Variants in KMT2C observed in about 807,000 individuals in gnomAD.
KMT2C encodes histone-lysine N-methyltransferase 2C.
KMT2C carries 88 observed loss-of-function variants against 507.9 expected under a neutral mutation model. The observed-to-expected ratio is 0.17, with a 90% CI of 0.15 to 0.21. The LOEUF is 0.21. Among genes scored for constraint, KMT2C ranks in the 10% least tolerant of loss-of-function variants. The pLI, the probability that KMT2C is intolerant of heterozygous loss-of-function variation, is 1.00. For missense variants in KMT2C, 4,954 were observed against 5,957.8 expected (o/e 0.83, Z 5.55); for synonymous variants, 2,049 against 2,080.8 (o/e 0.98, Z 0.42).
At position 152,314,822 on chromosome 7, in the gene KMT2C, T is replaced by C. The variant is rs10237153; in HGVS notation, c.590+316A>G. ...TTTATTATTACATTATTTCCATTTA[T>C]AAATTCCATGAACTCCCTCCCTCTC... is the stretch of plus-strand genomic sequence containing the variant. On this transcript the variant is annotated intron_variant, in intron 4 of 58. Transcript: ENST00000262189. Among the ~76,000 whole-genome samples the C allele has an allele frequency of 9.5e-3, 1,446 of 152,314 alleles. 28 individuals carry two copies. Among genetic ancestry groups the C allele is most frequent in the African/African-American group, 0.033 (1,391 of 41,556 alleles).
chr7:152,433,829 G>C (rs955507937), intron 1 of KMT2C, among the ~76,000 whole-genome samples: 7 of 152,286 alleles, frequency 4.6e-5, no homozygotes, highest in Non-Finnish European at 8.8e-5. Flanking sequence ...TTCAAAAGTA[G>C]GGTGTGTGCG....
At chr7:152,175,467 T>G (rs2093160781) in intron 38 of KMT2C, among the ~76,000 whole-genome samples, 1 of 144,286 alleles carries the variant, frequency 6.9e-6, no homozygotes, top group Non-Finnish European at 1.5e-5. Flanking sequence ...ATCCGTCCCC[T>G]AGCCCCCCAC....
At chr7:152,346,188 C>G (rs1194380008) in intron 2 of KMT2C, among the ~76,000 whole-genome samples, 1 of 152,174 alleles carries the variant, frequency 6.6e-6, no homozygotes, top group African/African-American at 2.4e-5. Context: ...ATCTGGCGTG[C>G]AGAAAATCAA....
chr7:152,178,043 G>GCAAATAGGTATTATGT (rs1491431270), intron 37 of KMT2C, 33 bp from the exon 38 acceptor site: 2 of 633,386 alleles, frequency 3.2e-6, no homozygotes, highest in African/African-American at 7.2e-5. Flanking sequence ...AAAAAAAAAA[G>GCAAATAGGTATTATGT]CAAATAGGTA....
chr7:152,372,192 G>A (rs1249331271), intron 1 of KMT2C, among the ~76,000 whole-genome samples: 4 of 152,164 alleles, frequency 2.6e-5, no homozygotes, highest in Non-Finnish European at 4.4e-5. Flanking sequence ...GTCTCACTCT[G>A]TCGCCCAGAC....
At chr7:152,258,002 G>A (rs2095690288) in intron 9 of KMT2C, among the ~76,000 whole-genome samples, 1 of 152,178 alleles carries the variant, frequency 6.6e-6, no homozygotes, top group South Asian at 2.1e-4. Flanking sequence ...TTCTGTAAGT[G>A]TATACACACG....
intron 41 of KMT2C, among the ~76,000 whole-genome samples, chr7:152,168,823 C>G (rs1436346342): frequency 2.6e-5 from 4 of 152,080 alleles, no homozygotes; most frequent in Non-Finnish European, 4.4e-5. Context: ...CTTTGTTTTT[C>G]CCATTTAGTG....
intron 3 of KMT2C, among the ~76,000 whole-genome samples, chr7:152,318,330 G>A (rs1176227608): frequency 1.3e-5 from 2 of 150,040 alleles, no homozygotes; most frequent in East Asian, 4.1e-4. Flanking sequence ...GCAGCTGGGT[G>A]TGGTGGCACA....
At chr7:152,194,709 C>T (rs1269641668) in intron 28 of KMT2C, 141 bp from the exon 29 acceptor site, 2 of 549,880 alleles carry the variant, frequency 3.6e-6, no homozygotes. Context: ...TCAGAATTCT[C>T]ATATCAATTT....
intron 7 of KMT2C, 134 bp downstream of exon 7, chr7:152,273,571 A>T (rs2096016933): frequency 2.1e-6 from 2 of 931,468 alleles, no homozygotes; most frequent in Non-Finnish European, 2.9e-6. Context: ...CCTGGCAACG[A>T]TCCCTCAGAT....
Position 152,435,826 on chromosome 7 carries a change from C to G in KMT2C, c.-40G>C. On this transcript the variant is annotated 5_prime_UTR_variant, in exon 1 of 59. Transcript: ENST00000262189. The stretch of plus-strand genomic sequence containing the variant: ...AAGACACATGGATCCCGGTCCTCCT[C>G]CTGGGGGGCTCCCGCCGCCGCGGCC... The G allele has an allele frequency of 7.9e-7, 1 of 1,266,322 alleles. No individual in the cohort carries two copies. The highest frequency in any genetic ancestry group is 1.0e-6 in the Non-Finnish European group (1 of 994,724). 78.4% of individuals were successfully genotyped at this position (1,266,322 alleles called of 1,614,324 possible). A position where few individuals can be genotyped will look rare whatever the true frequency, so the allele number is the denominator to read the frequency against.
At chr7:152,251,015 T>C (rs762189124) in intron 11 of KMT2C, 49 bp from the exon 12 acceptor site, 15 of 1,042,370 alleles carry the variant, frequency 1.4e-5, no homozygotes, top group Non-Finnish European at 2.2e-5. Context: ...TTTTTTTCTT[T>C]GTTCATTAAG....
At chr7:152,396,373 G>A (rs1380305746) in intron 1 of KMT2C, among the ~76,000 whole-genome samples, 2 of 152,182 alleles carry the variant, frequency 1.3e-5, no homozygotes, top group African/African-American at 4.8e-5. Context: ...GATAATAACA[G>A]TAATTACTTT....
At chr7:152,304,887 G>C (rs1056494969) in intron 6 of KMT2C, among the ~76,000 whole-genome samples, 1 of 152,130 alleles carries the variant, frequency 6.6e-6, no homozygotes, top group Non-Finnish European at 1.5e-5. Flanking sequence ...CGTCTTCTAA[G>C]TTCAATAGCT....
At chr7:152,279,455 CCTAATA>C (rs1219260189) in intron 6 of KMT2C, among the ~76,000 whole-genome samples, 72 of 152,098 alleles carry the variant, frequency 4.7e-4, no homozygotes, top group African/African-American at 1.7e-3. Context: ...GTAAACCCAC[CCTAATA>C]CTGTGTTTAT....
At chr7:152,280,251 TG>T (rs1438556735) in intron 6 of KMT2C, among the ~76,000 whole-genome samples, 1 of 151,778 alleles carries the variant, frequency 6.6e-6, no homozygotes, top group Non-Finnish European at 1.5e-5. Context: ...AGTAAGAAAA[TG>T]GTGAGCTCAG....
chr7:152,252,520 A>C, intron 10 of KMT2C, 26 bp downstream of exon 10: 1 of 1,589,298 alleles, frequency 6.3e-7, no homozygotes, highest in Non-Finnish European at 8.6e-7. Flanking sequence ...CGACAAAACA[A>C]CTGAATAGAA....
At chr7:152,226,772 T>C (rs1203951422) in intron 18 of KMT2C, among the ~76,000 whole-genome samples, 1 of 152,108 alleles carries the variant, frequency 6.6e-6, no homozygotes, top group Non-Finnish European at 1.5e-5. Flanking sequence ...TGCAACTTTA[T>C]AAAAACTCTG....
intron 1 of KMT2C, among the ~76,000 whole-genome samples, chr7:152,415,962 G>T (rs564112940): frequency 6.6e-6 from 1 of 151,902 alleles, no homozygotes; most frequent in Non-Finnish European, 1.5e-5. Flanking sequence ...CTTTTTTTCT[G>T]TTGTTAAGAT....
Sources: allele counts gnomAD v4.1 joint callset (sites outside exome capture counted in the v4.1 genomes callset), GRCh38; gene constraint gnomAD v4.1.1; transcripts MANE v1.5; gene names NCBI Gene and HGNC (gene_info 2026-07-23, HGNC 2026-07-21).